The following LRP4 variants were observed in gnomAD, a reference collection of about 807,000 sequenced individuals.
LRP4 encodes low-density lipoprotein receptor-related protein 4.
LRP4 carries 95 observed loss-of-function variants against 220.3 expected under a neutral mutation model. That is an observed-to-expected ratio of 0.43 (90% CI 0.37 to 0.51). LRP4 has a LOEUF of 0.51. Among genes scored for constraint, LRP4 ranks in the 20% least tolerant of loss-of-function variants. The pLI is 0.00. For missense variants in LRP4, 1,925 were observed against 2,567.0 expected (o/e 0.75, Z 5.40); for synonymous variants, 903 against 954.6 (o/e 0.95, Z 1.00).
intron 22 of LRP4, among the ~76,000 whole-genome samples, chr11:46,877,605 C>G (rs1274240809): frequency 1.3e-5 from 2 of 152,054 alleles, no homozygotes; most frequent in African/African-American, 2.4e-5. Context: ...GTAGCTGGGA[C>G]TACAGGCACA....
chr11:46,898,163 C>T (rs1175480848), intron 7 of LRP4, among the ~76,000 whole-genome samples: 1 of 151,862 alleles, frequency 6.6e-6, no homozygotes, highest in Admixed American at 6.6e-5. Flanking sequence ...CCTCACTTCC[C>T]AGTAGGGGCG....
In LRP4 at chr11:46,898,643, C is replaced by G. The variant is rs778372112; in HGVS notation, c.711G>C (p.Met237Ile). The change falls in exon 7 of 38, where the codon ATG becomes ATC. Residue 237 changes from methionine to isoleucine, a missense_variant. By Grantham distance (10) the Met-to-Ile change is conservative. Around this residue, in one of 3 missense-constraint regions of LRP4, gnomAD observed 412 missense variants for 505.4 expected, o/e 0.82. Transcript: ENST00000378623. ...CATTGATGCACAGGCCACTGTCACA[C>G]ATGAACTCCCCAGAGCGGCAGGGCT... ...SHQPCRSGEFMCDSGLCINAG... is the reference protein window; with the variant it reads ...SHQPCRSGEFICDSGLCINAG... 1 of 1,614,202 alleles carries G rather than the reference C, an allele frequency of 6.2e-7. No individual in the cohort carries two copies. The highest frequency in any genetic ancestry group is 1.7e-5 in the Admixed American group (1 of 60,022).
chr11:46,916,986 G>T (rs1360667744), intron 1 of LRP4, among the ~76,000 whole-genome samples: 1 of 152,226 alleles, frequency 6.6e-6, no homozygotes. Context: ...GGCCGGCCAA[G>T]CTACCGCTCT....
intron 34 of LRP4, among the ~76,000 whole-genome samples, chr11:46,865,663 T>C (rs1236025802): frequency 1.3e-5 from 2 of 152,198 alleles, no homozygotes; most frequent in African/African-American, 4.8e-5. Context: ...GATAACTAAC[T>C]TGAAATGCTC....
chr11:46,870,962 G>C (rs1940845893), intron 31 of LRP4, among the ~76,000 whole-genome samples: 1 of 152,182 alleles, frequency 6.6e-6, no homozygotes, highest in African/African-American at 2.4e-5. Flanking sequence ...AGCTGAGAGA[G>C]GTTCAGTCAC....
chr11:46,909,640 A>AT (rs1941824150), intron 1 of LRP4, among the ~76,000 whole-genome samples: 2 of 146,114 alleles, frequency 1.4e-5, no homozygotes, highest in Non-Finnish European at 3.0e-5. Context: ...AAAAAAAAAA[A>AT]GGAGGAATCA....
intron 16 of LRP4, among the ~76,000 whole-genome samples, chr11:46,889,160 G>A (rs1489238051): frequency 6.6e-6 from 1 of 152,202 alleles, no homozygotes; most frequent in Non-Finnish European, 1.5e-5. Context: ...CTGGTAAAAT[G>A]ATACATGAGC....
Position 46,875,201 on chromosome 11 carries a change from A to C in LRP4, c.3926-98T>G. ...TTGTGGCTGGCTCTTTGCTGTTCTA[A>C]GTGACAGGATTCAGTGCCTGGCAGG... On this transcript the variant is annotated intron_variant, in intron 27 of 37. Transcript: ENST00000378623. This position sits in a 1 kb window ranked among gnomAD's most constrained non-coding sequence, Gnocchi z 4.5. The C allele has an allele frequency of 7.7e-7, 1 of 1,305,682 alleles. No homozygotes were observed. The highest frequency in any genetic ancestry group is 1.1e-6 in the Non-Finnish European group (1 of 932,448). 80.9% of individuals were successfully genotyped at this position (1,305,682 alleles called of 1,614,324 possible). A position where few individuals can be genotyped will look rare whatever the true frequency, so the allele number is the denominator to read the frequency against.
rs1413287470 is a variant in LRP4, at chr11:46,881,777, C to T, written c.2739G>A (p.Gly913=). The T allele has an allele frequency of 6.2e-7, 1 of 1,613,942 alleles. No homozygotes were observed. The highest frequency in any genetic ancestry group is 1.7e-5 in the Admixed American group (1 of 60,026). Residue 913 remains glycine, a synonymous_variant, in exon 20 of 38, where the codon GGG becomes GGA. Coordinates refer to ENST00000378623, the MANE Select transcript of LRP4 (RefSeq NM_002334.4). ...CGTCAGCCCAGTATAGACGCTGGGA[C>T]CCATAATCAATAGCTAACCCATTAG... ...TWPNGLAIDY[G]SQRLYWADAG... is the part of the protein sequence containing the mutation.
intron 2 of LRP4, among the ~76,000 whole-genome samples, chr11:46,901,457 T>G (rs575843689): frequency 4.5e-4 from 68 of 152,324 alleles, no homozygotes; most frequent in African/African-American, 1.6e-3. Context: ...AGAGGCCTTT[T>G]GATATAATGC....
rs138562193 is a variant in LRP4, at chr11:46,876,941, T to C, written c.3278-111A>G. On this transcript the variant is annotated intron_variant, in intron 23 of 37. Coordinates refer to ENST00000378623, the MANE Select transcript of LRP4 (RefSeq NM_002334.4). ...GCATGTCAGAGAGCTCTGGAGCCTC[T>C]AGCAGAGGAAATCAAGGAAAACGCA... 4.2e-4 allele frequency: 408 copies of C among 963,874 alleles called. No individual in the cohort carries two copies. In the African/African-American group the frequency reaches 4.5e-3, roughly 11 times the overall value. 59.7% of individuals were successfully genotyped at this position (963,874 alleles called of 1,614,324 possible).
At position 46,899,988 on chromosome 11, in the gene LRP4, G is replaced by A. The variant is rs761442818; in HGVS notation, c.317-12C>T. ...ACACTCCCGGGGGGCTGTGGGCACA[G>A]AGCAGTCAGGCTGCTGCAGGCAGTG... On this transcript the variant is annotated splice_polypyrimidine_tract_variant and intron_variant, in intron 3 of 37. Transcript: ENST00000378623. The surrounding 1 kb of genome is among the most constrained non-coding windows in gnomAD (Gnocchi z 5.9). 3 of 1,599,572 alleles carry A rather than the reference G, an allele frequency of 1.9e-6. No homozygotes were observed. Among genetic ancestry groups the A allele is most frequent in the Admixed American group, 1.7e-5 (1 of 60,020 alleles).
chr11:46,886,662 T>C (rs541774538), intron 16 of LRP4, 129 bp from the exon 17 acceptor site: 2 of 769,106 alleles, frequency 2.6e-6, no homozygotes, highest in East Asian at 2.7e-5. Flanking sequence ...TTGCCCCCTA[T>C]ACTTTATACC....
intron 34 of LRP4, among the ~76,000 whole-genome samples, chr11:46,866,832 A>T (rs1234687368): frequency 1.3e-5 from 2 of 152,072 alleles, no homozygotes; most frequent in African/African-American, 4.8e-5. Context: ...AAGTAGGAGG[A>T]TCACATGAAA....
chr11:46,896,486 G>C, intron 8 of LRP4, 151 bp from the exon 9 acceptor site: 1 of 929,874 alleles, frequency 1.1e-6, no homozygotes, highest in Non-Finnish European at 1.7e-6. Context: ...GACAGGGCTG[G>C]CTGAATGTCT....
At position 46,875,759 on chromosome 11, in the gene LRP4, C is replaced by G; in HGVS notation, c.3699+45G>C. 1 of 1,613,804 alleles carries G rather than the reference C, an allele frequency of 6.2e-7. No individual in the cohort carries two copies. The highest frequency in any genetic ancestry group is 8.5e-7 in the Non-Finnish European group (1 of 1,179,828). ...CATGGAGATCCTAGGCAGGCCTTTCCCATCTTCCCAGGCTCCTGGGAAGCA... is the reference window on the plus strand; with the variant it reads ...CATGGAGATCCTAGGCAGGCCTTTCGCATCTTCCCAGGCTCCTGGGAAGCA... On this transcript the variant is annotated intron_variant, in intron 26 of 37. Transcript: ENST00000378623. The surrounding 1 kb of genome is among the most constrained non-coding windows in gnomAD (Gnocchi z 4.5).
intron 13 of LRP4, among the ~76,000 whole-genome samples, chr11:46,891,409 C>T (rs538598295): frequency 1.3e-3 from 195 of 149,834 alleles, no homozygotes; most frequent in Middle Eastern, 3.4e-3. Flanking sequence ...TCACCATGCC[C>T]GGCTCCTTTT....
At position 46,899,549 on chromosome 11, in the gene LRP4, C is replaced by G. The variant is rs1332859024; in HGVS notation, c.431-46G>C. On this transcript the variant is annotated intron_variant, in intron 4 of 37. Transcript: ENST00000378623. The surrounding 1 kb of genome is among the most constrained non-coding windows in gnomAD (Gnocchi z 5.9). Reference sequence around the variant, plus strand: ...AGCAGTTCTGAGGGGGCCCCACAGGCAACCCTCTCACCCTCCTCTCTGACT... The same window carrying G: ...AGCAGTTCTGAGGGGGCCCCACAGGGAACCCTCTCACCCTCCTCTCTGACT... 7.6e-7 allele frequency: 1 copy of G among 1,312,826 alleles called. No individual in the cohort carries two copies. The highest frequency in any genetic ancestry group is 2.3e-5 in the East Asian group (1 of 43,552). The allele number at this position is 1,312,826 out of a possible 1,614,324, so 81.3% of individuals were successfully genotyped here.
chr11:46,889,264 C>G, intron 16 of LRP4, 147 bp downstream of exon 16: 1 of 1,106,590 alleles, frequency 9.0e-7, no homozygotes, highest in Non-Finnish European at 1.3e-6. Flanking sequence ...TAGAAGATCC[C>G]TCAGCCTCTT....
Sources: allele counts gnomAD v4.1 joint callset (sites outside exome capture counted in the v4.1 genomes callset), GRCh38; gene constraint gnomAD v4.1.1; regional missense constraint gnomAD v4.1.1; non-coding constraint Gnocchi (gnomAD v3.1); transcripts MANE v1.5; gene names NCBI Gene and HGNC (gene_info 2026-07-23, HGNC 2026-07-21).